The following MYH6 variants were observed in gnomAD, a reference collection of about 807,000 sequenced individuals.
The protein encoded by MYH6 is myosin-6.
A neutral mutation model predicts 223.2 loss-of-function variants in MYH6; 126 were observed. The observed-to-expected ratio is 0.56, with a 90% CI of 0.49 to 0.65. The LOEUF (loss-of-function observed/expected upper bound fraction) is 0.65. Ranked by LOEUF, MYH6 falls within the 30% of genes least tolerant of loss-of-function variation. The pLI is 0.00. For synonymous variants in MYH6, 978 were observed against 1,010.2 expected (o/e 0.97, Z 0.61); for missense variants, 2,040 against 2,536.4 (o/e 0.80, Z 4.20).
At position 23,393,812 on chromosome 14, in the gene MYH6, G is replaced by T; in HGVS notation, c.2782C>A (p.Leu928Met). The T allele has an allele frequency of 6.2e-7, 1 of 1,614,200 alleles. No homozygotes were observed. Among genetic ancestry groups the T allele is most frequent in the Non-Finnish European group, 8.5e-7 (1 of 1,180,040 alleles). The change falls in exon 22 of 39, where the codon CTG becomes ATG. Residue 928 changes from leucine to methionine, a missense_variant. By Grantham distance (15) the Leu-to-Met change is conservative. This residue lies in a region of MYH6 where 1,203 missense variants were observed against 1,400.2 expected (regional missense o/e 0.86). Coordinates refer to ENST00000405093, the MANE Select transcript of MYH6 (RefSeq NM_002471.4). Reference sequence around the variant, plus strand: ...GCGTTCATCTCCTCCTCATCCTCCAGCCTCTCATTCATCTCCTTTACTTTG... The same window carrying T: ...GCGTTCATCTCCTCCTCATCCTCCATCCTCTCATTCATCTCCTTTACTTTG... Reference protein sequence around the residue: ...EAKVKEMNERLEDEEEMNAEL... With the variant: ...EAKVKEMNERMEDEEEMNAEL...
chr14:23,400,642 G>A, intron 13 of MYH6, 67 bp downstream of exon 13: 1 of 1,612,582 alleles, frequency 6.2e-7, no homozygotes, highest in South Asian at 1.1e-5. Flanking sequence ...CTGGCTCTCA[G>A]CAAATGGCTG....
In MYH6 at chr14:23,402,835, G is replaced by A. The variant is rs750672328; in HGVS notation, c.899-35C>T. ...GCAAGGGGTGAGGCAGGGGCAAGGG[G>A]GCAGGCGGAGGGCAGGGAAGGGGCA... On this transcript the variant is annotated intron_variant, in intron 10 of 38. Coordinates refer to ENST00000405093, the MANE Select transcript of MYH6 (RefSeq NM_002471.4). 5.1e-6 allele frequency: 8 copies of A among 1,554,820 alleles called. No homozygotes were observed. In the Admixed American group the frequency reaches 6.7e-5, roughly 13 times the overall value.
At chr14:23,401,527 C>T (rs1469779291) in intron 12 of MYH6, among the ~76,000 whole-genome samples, 1 of 152,286 alleles carries the variant, frequency 6.6e-6, no homozygotes, top group Non-Finnish European at 1.5e-5. Flanking sequence ...CTTCTCAGCT[C>T]TGTCTCTACA....
chr14:23,405,294 C>T lies in MYH6; in HGVS notation c.431G>A (p.Gly144Asp), dbSNP rs199923533. Residue 144 changes from glycine to aspartate, a missense_variant, in exon 5 of 39, where the codon GGC (glycine) becomes GAC (aspartate). By Grantham distance (94) the Gly-to-Asp change is moderately conservative. Around this residue, in one of 4 missense-constraint regions of MYH6, gnomAD observed 184 missense variants for 232.4 expected, o/e 0.79. Coordinates refer to ENST00000405093, the MANE Select transcript of MYH6 (RefSeq NM_002471.4). This position sits in a 1 kb window ranked among gnomAD's most constrained non-coding sequence, Gnocchi z 4.7. The stretch of plus-strand genomic sequence containing the variant: ...GGGCGGGGCCTCACTCCTCTTCTTG[C>T]CCCGGTAGGCGGCCACCACCTCGGC... ...YNAEVVAAYR[G>D]KKRSEAPPHI... The T allele has an allele frequency of 1.5e-5, 25 of 1,614,046 alleles. No homozygotes were observed. Among genetic ancestry groups the T allele is most frequent in the Non-Finnish European group, 1.9e-5 (23 of 1,180,028 alleles).
chr14:23,404,974 A>T, intron 6 of MYH6, 126 bp downstream of exon 6: 1 of 1,524,978 alleles, frequency 6.6e-7, no homozygotes, highest in Non-Finnish European at 9.0e-7. Flanking sequence ...CACCCCTCTA[A>T]TGAGAGCTCA....
At chr14:23,393,948 G>A in intron 21 of MYH6, 40 bp from the exon 22 acceptor site, 1 of 1,614,108 alleles carries the variant, frequency 6.2e-7, no homozygotes. Flanking sequence ...TGGTTAAAGA[G>A]AGGAGACCTA....
Position 23,407,517 on chromosome 14 carries a change from T to G in MYH6, c.-14+59A>C. ...GGACAGCAGACCCCTGGTCCAGCAA[T>G]CCGGCTCCCAGGAGAAGCATGCCCC... On this transcript the variant is annotated intron_variant, in intron 2 of 38. Coordinates refer to ENST00000405093, the MANE Select transcript of MYH6 (RefSeq NM_002471.4). The surrounding 1 kb of genome is among the most constrained non-coding windows in gnomAD (Gnocchi z 5.6). 1 of 1,311,668 alleles carries G rather than the reference T, an allele frequency of 7.6e-7. No individual in the cohort carries two copies. Among genetic ancestry groups the G allele is most frequent in the South Asian group, 1.6e-5 (1 of 63,062 alleles). 81.3% of individuals were successfully genotyped at this position (1,311,668 alleles called of 1,614,324 possible).
At position 23,382,053 on chromosome 14, in the gene MYH6, T is replaced by A; in HGVS notation, c.5807A>T (p.His1936Leu). The A allele has an allele frequency of 6.2e-7, 1 of 1,614,190 alleles. No individual in the cohort carries two copies. The highest frequency in any genetic ancestry group is 8.5e-7 in the Non-Finnish European group (1 of 1,180,022). ...SRDIGAKQKM[H>L]DEE ...CCCGAGGCAGTGTCACTCCTCATCG[T>A]GCATTTTTTGCTGCAAAAAGAATAA... The change falls in exon 39 of 39, where the codon CAC becomes CTC. Residue 1936 changes from histidine (H) to leucine (L), a missense_variant. His to Leu is a moderately conservative substitution (Grantham distance 99). This residue lies in a region of MYH6 where 1,203 missense variants were observed against 1,400.2 expected (regional missense o/e 0.86). Coordinates refer to ENST00000405093, the MANE Select transcript of MYH6 (RefSeq NM_002471.4).
rs896503825 is a variant in MYH6 at position 23,405,099 on chromosome 14, C to T, written c.530+1G>A. 5 of 1,613,866 alleles carry T rather than the reference C, an allele frequency of 3.1e-6. No individual in the cohort carries two copies. The highest frequency in any genetic ancestry group is 1.3e-5 in the African/African-American group (1 of 74,878). On this transcript the variant is annotated splice_donor_variant, in intron 6 of 38. Transcript: ENST00000405093. LOFTEE classifies it high-confidence loss of function. This position sits in a 1 kb window ranked among gnomAD's most constrained non-coding sequence, Gnocchi z 4.7. ...TCTGTGGGAGGATGGCACTCGCTCA[C>T]GTGATGAGGATGGACTGGTTCTCCC... is the stretch of plus-strand genomic sequence containing the variant.
At chr14:23,404,636 G>C in intron 7 of MYH6, 75 bp downstream of exon 7, 5 of 1,410,158 alleles carry the variant, frequency 3.5e-6, no homozygotes, top group Non-Finnish European at 5.0e-6. Context: ...GTCACAGGGA[G>C]GGGAGGGTTA....
At chr14:23,392,864 C>T (rs1378850011) in intron 24 of MYH6, 48 bp downstream of exon 24, 1 of 1,609,912 alleles carries the variant, frequency 6.2e-7, no homozygotes, top group Admixed American at 1.7e-5. Context: ...CTCTATCTAC[C>T]AGGCCAGACA....
intron 14 of MYH6, chr14:23,399,993 G>T: frequency 1.8e-6 from 1 of 544,554 alleles, no homozygotes; most frequent in Non-Finnish European, 3.3e-6. Context: ...GGTCAGAGGG[G>T]CCAGGGGCCT....
At position 23,402,531 on chromosome 14, in the gene MYH6, C is replaced by A; in HGVS notation, c.1074G>T (p.Met358Ile). Residue 358 changes from methionine (M) to isoleucine (I), a missense_variant, in exon 12 of 39, where the codon ATG becomes ATT. Met to Ile is a conservative substitution (Grantham distance 10). Around this residue, in one of 4 missense-constraint regions of MYH6, gnomAD observed 649 missense variants for 877.3 expected, o/e 0.74. Coordinates refer to ENST00000405093, the MANE Select transcript of MYH6 (RefSeq NM_002471.4). ...GCTTGAACTTCATGTTCCCGTAGTG[C>A]ATGATGGCTCCCGTCAGCTTGTAGA... ...AGVYKLTGAI[M>I]HYGNMKFKQK... 9 of 1,613,828 alleles carry A rather than the reference C, an allele frequency of 5.6e-6. No individual in the cohort carries two copies. Among genetic ancestry groups the A allele is most frequent in the Non-Finnish European group, 7.6e-6 (9 of 1,179,966 alleles).
chr14:23,402,473 C>G lies in MYH6; in HGVS notation c.1132G>C (p.Gly378Arg). 1.2e-6 allele frequency: 2 copies of G among 1,613,226 alleles called. No individual in the cohort carries two copies. The highest frequency in any genetic ancestry group is 1.7e-6 in the Non-Finnish European group (2 of 1,179,948). Residue 378 changes from glycine (G) to arginine (R), a missense_variant, in exon 12 of 39, where the codon GGC becomes CGC. Gly to Arg is a moderately radical substitution (Grantham distance 125, BLOSUM62 -2). This residue lies in a region of MYH6 where 649 missense variants were observed against 877.3 expected (regional missense o/e 0.74). Transcript: ENST00000405093. Reference sequence around the variant, plus strand: ...TGCCTGCCCCTCCCACCTTCGGTGCCGTCTGGCTCCGCCTGCTCCTCCCGC... The same window carrying G: ...TGCCTGCCCCTCCCACCTTCGGTGCGGTCTGGCTCCGCCTGCTCCTCCCGC... The part of the protein sequence containing the change: ...KQREEQAEPD[G>R]TEDADKSAYL...
chr14:23,394,841 C>T (rs2138600891), intron 20 of MYH6, among the ~76,000 whole-genome samples: 2 of 152,284 alleles, frequency 1.3e-5, no homozygotes, highest in South Asian at 4.1e-4. Context: ...ACTTTAACCA[C>T]ATATGAATGT....
chr14:23,397,379 G>T (rs919940750), intron 16 of MYH6, 122 bp from the exon 17 acceptor site: 40 of 1,270,224 alleles, frequency 3.1e-5, no homozygotes, highest in Admixed American at 1.7e-5. Context: ...CACATAATTT[G>T]TGACGTGAGT....
At chr14:23,396,202 A>C in intron 20 of MYH6, 82 bp downstream of exon 20, 1 of 1,591,228 alleles carries the variant, frequency 6.3e-7, no homozygotes, top group Non-Finnish European at 8.6e-7. Flanking sequence ...GTCTGAACCC[A>C]GGTCTTCTGA....
chr14:23,388,720 C>G, intron 29 of MYH6, 139 bp downstream of exon 29: 1 of 1,325,960 alleles, frequency 7.5e-7, no homozygotes, highest in Non-Finnish European at 1.1e-6. Context: ...TTCAGGCTTT[C>G]TTCCAAGCAC....
At chr14:23,393,225 G>T in intron 23 of MYH6, 117 bp downstream of exon 23, 1 of 1,486,904 alleles carries the variant, frequency 6.7e-7, no homozygotes, top group South Asian at 1.1e-5. Flanking sequence ...GAACTACAGA[G>T]AGCAAAAAAG....
Sources: gnomAD v4.1 joint callset for allele counts (sites outside exome capture counted in the v4.1 genomes callset) on GRCh38, gnomAD v4.1.1 for gene constraint, gnomAD v4.1.1 regional missense constraint, Gnocchi (gnomAD v3.1) non-coding constraint, MANE v1.5 for transcripts, NCBI Gene and HGNC (gene_info 2026-07-23, HGNC 2026-07-21) for gene names.